Variants in CENPH observed in about 807,000 individuals in gnomAD.
CENPH encodes CENP-H.
CENPH carries 40 observed loss-of-function variants against 42.9 expected under a neutral mutation model. The ratio of observed to expected loss-of-function variants is 0.93; its 90% CI spans 0.72 to 1.21. The LOEUF is 1.21. Ranked by LOEUF, CENPH falls within the 50% of genes most tolerant of loss-of-function variation. CENPH has a pLI of 0.00. For synonymous variants in CENPH, 88 were observed against 96.5 expected (o/e 0.91, Z 0.52); for missense variants, 302 against 292.9 (o/e 1.03, Z -0.23).
intron 5 of CENPH, among the ~76,000 whole-genome samples, chr5:69,201,849 C>A (rs887466516): frequency 1.3e-5 from 2 of 152,122 alleles, no homozygotes; most frequent in African/African-American, 4.8e-5. Context: ...CAGAGCGAGA[C>A]CCTGTCACAG....
At chr5:69,194,918 C>CTT (rs869047885) in intron 3 of CENPH, among the ~76,000 whole-genome samples, 2 of 136,004 alleles carry the variant, frequency 1.5e-5, no homozygotes, top group African/African-American at 5.4e-5. Flanking sequence ...GACTTTCTTT[C>CTT]TTTTTTTTTT....
chr5:69,190,631 A>G (rs888930489), intron 1 of CENPH, among the ~76,000 whole-genome samples: 2 of 152,114 alleles, frequency 1.3e-5, no homozygotes, highest in African/African-American at 4.8e-5. Context: ...TGTAATCCCA[A>G]CACTTTGGGA....
At position 69,189,750 on chromosome 5, in the gene CENPH, G is replaced by C; in HGVS notation, c.116G>C (p.Arg39Pro). 2 of 1,530,706 alleles carry C rather than the reference G, an allele frequency of 1.3e-6. No individual in the cohort carries two copies. Among genetic ancestry groups the C allele is most frequent in the South Asian group, 2.4e-5 (2 of 81,870 alleles). The allele number at this position is 1,530,706 out of a possible 1,614,324, so 94.8% of individuals were successfully genotyped here. ...GCCCAGGCGGCGTGCAGCGAGGACCGCATGACCCTGCTCCTCAGGTTGTTC... is the reference window on the plus strand; with the variant it reads ...GCCCAGGCGGCGTGCAGCGAGGACCCCATGACCCTGCTCCTCAGGTTGTTC... ...AGAQAACSEDRMTLLLRLRAQ... is the reference protein window; with the variant it reads ...AGAQAACSEDPMTLLLRLRAQ... The change falls in exon 1 of 9, where the codon CGC (arginine) becomes CCC (proline). Residue 39 changes from arginine (R) to proline (P), a missense_variant. By Grantham distance (103) the Arg-to-Pro change is moderately radical. Transcript: ENST00000283006.
intron 7 of CENPH, among the ~76,000 whole-genome samples, chr5:69,204,470 T>C (rs1366807967): frequency 6.6e-6 from 1 of 151,918 alleles, no homozygotes; most frequent in African/African-American, 2.4e-5. Context: ...TTTTGTTTTT[T>C]GTTGACATCG....
At chr5:69,208,427 T>A in intron 8 of CENPH, 68 bp downstream of exon 8, 1 of 1,014,858 alleles carries the variant, frequency 9.9e-7, no homozygotes. Context: ...TGGCTCGATC[T>A]CAGCTCATTG....
intron 7 of CENPH, among the ~76,000 whole-genome samples, chr5:69,203,997 GA>G (rs1026131062): frequency 9.1e-6 from 1 of 109,526 alleles, no homozygotes; most frequent in African/African-American, 3.8e-5. Flanking sequence ...TATATATAGA[GA>G]GAGAATTTCT....
At chr5:69,197,426 C>CA (rs1487827086) in intron 5 of CENPH, 1 of 212,822 alleles carries the variant, frequency 4.7e-6, no homozygotes, top group African/African-American at 2.3e-5. Flanking sequence ...TTAATCCATC[C>CA]AAAACACAGT....
rs547696602 is a variant in CENPH at position 69,191,368 on chromosome 5, C to T, written c.135-427C>T. ...TCTACTAAAAATACAAAAAATTAGC[C>T]GGGCATGGTGGCAGGCGCCTGTAGT... On this transcript the variant is annotated intron_variant, in intron 1 of 8. Coordinates refer to ENST00000283006, the MANE Select transcript of CENPH (RefSeq NM_022909.4). Among the ~76,000 whole-genome samples the T allele has an allele frequency of 9.9e-5, 15 of 152,174 alleles. No homozygotes were observed. In the East Asian group the frequency reaches 2.9e-3, roughly 29 times the overall value.
intron 5 of CENPH, among the ~76,000 whole-genome samples, chr5:69,201,864 C>G (rs765104072): frequency 2.0e-5 from 3 of 152,140 alleles, no homozygotes; most frequent in African/African-American, 7.2e-5. Flanking sequence ...TCACAGAAAA[C>G]AAACCCGTAG....
chr5:69,195,797 TATTAC>T lies in CENPH; in HGVS notation c.314+10_314+14del. The T allele has an allele frequency of 7.3e-7, 1 of 1,376,206 alleles. No homozygotes were observed. 85.2% of individuals were successfully genotyped at this position (1,376,206 alleles called of 1,614,324 possible). ...AAAAAGCTTGCATTAGACAGGTAATTATTACATTTTAAATATAAGCATTGTGAACT... is the reference window on the plus strand; with the variant it reads ...AAAAAGCTTGCATTAGACAGGTAATTATTTTAAATATAAGCATTGTGAACT... On this transcript the variant is annotated splice_region_variant and intron_variant, in intron 4 of 8. Transcript: ENST00000283006.
At chr5:69,203,295 T>C (rs1748088301) in intron 7 of CENPH, among the ~76,000 whole-genome samples, 1 of 152,178 alleles carries the variant, frequency 6.6e-6, no homozygotes, top group South Asian at 2.1e-4. Context: ...GCCTCCTGAA[T>C]AGCTGGAACT....
chr5:69,203,097 A>G lies in CENPH; in HGVS notation c.487+127A>G, dbSNP rs182879008. ...TCCAAAATTCCTTAAAATTTTTGAC[A>G]TGGCAACTTAAAAAGTGATATAAAG... On this transcript the variant is annotated intron_variant, in intron 7 of 8. Coordinates refer to ENST00000283006, the MANE Select transcript of CENPH (RefSeq NM_022909.4). 1.2e-5 allele frequency: 8 copies of G among 676,114 alleles called. No homozygotes were observed. The East Asian group carries it at 2.3e-4, about 19-fold the overall frequency. 41.9% of individuals were successfully genotyped at this position (676,114 alleles called of 1,614,324 possible). A position where few individuals can be genotyped will look rare whatever the true frequency, so the allele number is the denominator to read the frequency against.
intron 2 of CENPH, among the ~76,000 whole-genome samples, chr5:69,193,612 C>T (rs1449054219): frequency 6.6e-6 from 1 of 151,814 alleles, no homozygotes; most frequent in South Asian, 2.1e-4. Flanking sequence ...GACAGGAGAC[C>T]CTGTCTCCCC....
chr5:69,207,720 A>T (rs988876297), intron 7 of CENPH: 1 of 152,162 alleles, frequency 6.6e-6, no homozygotes, highest in South Asian at 2.1e-4. Context: ...GAGGCAGGAG[A>T]ATCACTTGAA....
chr5:69,192,529 T>C (rs1159869974), intron 2 of CENPH, among the ~76,000 whole-genome samples: 2 of 152,226 alleles, frequency 1.3e-5, no homozygotes, highest in Non-Finnish European at 2.9e-5. Context: ...ATTGACTATC[T>C]GCTCTTTTAG....
At chr5:69,190,742 T>G (rs957285568) in intron 1 of CENPH, among the ~76,000 whole-genome samples, 4 of 152,092 alleles carry the variant, frequency 2.6e-5, no homozygotes, top group Non-Finnish European at 5.9e-5. Flanking sequence ...ATACAAAAAT[T>G]AGCTGGGCGT....
intron 5 of CENPH, among the ~76,000 whole-genome samples, chr5:69,200,521 T>G: frequency 6.6e-6 from 1 of 152,130 alleles, no homozygotes. Context: ...TGCCTAAATT[T>G]ATCTTTTAAG....
chr5:69,202,561 T>G lies in CENPH; in HGVS notation c.427T>G (p.Ser143Ala). The change falls in exon 6 of 9, where the codon TCA (serine) becomes GCA (alanine). Residue 143 changes from serine to alanine, a missense_variant. By Grantham distance (99) the Ser-to-Ala change is moderately conservative. Coordinates refer to ENST00000283006, the MANE Select transcript of CENPH (RefSeq NM_022909.4). Reference sequence around the variant, plus strand: ...AGAGCTAAATAAATTAATAATGAAATCACAGCAGGTAAACTTACACATTAG... The same window carrying G: ...AGAGCTAAATAAATTAATAATGAAAGCACAGCAGGTAAACTTACACATTAG... ...LLELNKLIMK[S>A]QQESWDLEEK... 1.3e-6 allele frequency: 2 copies of G among 1,549,478 alleles called. No homozygotes were observed. The highest frequency in any genetic ancestry group is 1.8e-6 in the Non-Finnish European group (2 of 1,127,108).
intron 7 of CENPH, among the ~76,000 whole-genome samples, chr5:69,204,597 C>CTTGTTTTTTTTTTTTT (rs1748116674): frequency 2.9e-5 from 2 of 69,576 alleles, no homozygotes; most frequent in Non-Finnish European, 5.0e-5. Flanking sequence ...GCTTGTATTT[C>CTTGTTTTTTTTTTTTT]TTTTTTTTTT....
Sources: allele counts gnomAD v4.1 joint callset (sites outside exome capture counted in the v4.1 genomes callset), GRCh38; gene constraint gnomAD v4.1.1; transcripts MANE v1.5; gene names NCBI Gene and HGNC (gene_info 2026-07-23, HGNC 2026-07-21).